The following TERT variants were observed in gnomAD, a reference collection of about 807,000 sequenced individuals.
TERT encodes the protein telomerase catalytic subunit.
A neutral mutation model predicts 104.0 loss-of-function variants in TERT; 42 were observed. That is an observed-to-expected ratio of 0.40 (90% CI 0.32 to 0.52). The LOEUF is 0.52. TERT is among the 20% of genes least tolerant of loss of function. The probability of loss-of-function intolerance (pLI) is 0.43; values close to 1 mark genes in which losing one functional copy is unlikely to be tolerated. For synonymous variants in TERT, 781 were observed against 725.6 expected (o/e 1.08, Z -1.23); for missense variants, 1,101 against 1,610.3 (o/e 0.68, Z 5.41).
intron 7 of TERT, 21 bp from the exon 8 acceptor site, chr5:1,271,225 C>T: frequency 1.3e-6 from 2 of 1,591,534 alleles, no homozygotes; most frequent in Non-Finnish European, 1.7e-6. Context: ...AGACGGGAGA[C>T]ACATGGGAGT....
intron 4 of TERT, among the ~76,000 whole-genome samples, 172 bp from the exon 5 acceptor site, chr5:1,279,642 C>T (rs1749878521): frequency 6.6e-6 from 1 of 152,160 alleles, no homozygotes; most frequent in African/African-American, 2.4e-5. Context: ...GGTTCCTGGC[C>T]GCATGTGTGT....
rs1167752356 is a variant in TERT at position 1,257,800 on chromosome 5, G to A, written c.3032+798C>T. Among the ~76,000 whole-genome samples, 1 of 152,224 alleles carries A rather than the reference G, an allele frequency of 6.6e-6. No homozygotes were observed. Among genetic ancestry groups the A allele is most frequent in the Non-Finnish European group, 1.5e-5 (1 of 68,046 alleles). ...GTGCACGGTAATTCGCGCAGCCTCGGCCCTGGGTAACACAAATGCTCACAC... is the reference window on the plus strand; with the variant it reads ...GTGCACGGTAATTCGCGCAGCCTCGACCCTGGGTAACACAAATGCTCACAC... On this transcript the variant is annotated intron_variant, in intron 13 of 15. Coordinates refer to ENST00000310581, the MANE Select transcript of TERT (RefSeq NM_198253.3). The surrounding 1 kb of genome is among the most constrained non-coding windows in gnomAD (Gnocchi z 5.6).
chr5:1,283,599 C>G (rs1379547796), intron 2 of TERT, among the ~76,000 whole-genome samples: 1 of 149,542 alleles, frequency 6.7e-6, no homozygotes, highest in African/African-American at 2.5e-5. Context: ...CTACCTCACC[C>G]CGGACCTGCA....
Position 1,258,608 on chromosome 5 carries a change from G to A in TERT, c.3022C>T (p.Gln1008Ter). 6.4e-7 allele frequency: 1 copy of A among 1,569,372 alleles called. No individual in the cohort carries two copies. The highest frequency in any genetic ancestry group is 8.6e-7 in the Non-Finnish European group (1 of 1,156,432). Residue 1008 changes from glutamine to a stop codon, truncating the protein, a stop_gained, in exon 13 of 16, where the codon CAG (glutamine) becomes TAG (stop). Transcript: ENST00000310581. LOFTEE classifies it high-confidence loss of function. The stretch of plus-strand genomic sequence containing the variant: ...TTGGTGGCGGCTCACCTGTACGCCT[G>A]CAGCAGGAGGATCTTGTAGATGTTG... ...CTNIYKILLL[Q>*]AYRFHACVLQ...
At chr5:1,283,237 G>A (rs1750179211) in intron 2 of TERT, among the ~76,000 whole-genome samples, 2 of 127,364 alleles carry the variant, frequency 1.6e-5, no homozygotes, top group African/African-American at 6.1e-5. Flanking sequence ...CCTCACCCCG[G>A]ACCTGCACCA....
At position 1,294,662 on chromosome 5, in the gene TERT, G is replaced by A. The variant is rs1751272755; in HGVS notation, c.224C>T (p.Ser75Phe). 1 of 1,594,716 alleles carries A rather than the reference G, an allele frequency of 6.3e-7. No individual in the cohort carries two copies. The highest frequency in any genetic ancestry group is 8.5e-7 in the Non-Finnish European group (1 of 1,178,462). ...TCGGGCCACCAGCTCCTTCAGGCAG[G>A]ACACCTGCGGGGGAAGCGCCCTGAG... ...PPAAPSFRQV[S>F]CLKELVARVL... The change falls in exon 2 of 16, where the codon TCC becomes TTC. Residue 75 changes from serine (S) to phenylalanine (F), a missense_variant. Ser to Phe is a radical substitution (Grantham distance 155, BLOSUM62 -2). This residue lies in a region of TERT where 87 missense variants were observed against 145.4 expected (regional missense o/e 0.60). Transcript: ENST00000310581.
chr5:1,272,169 A>G lies in TERT; in HGVS notation c.2382+16T>C. On this transcript the variant is annotated intron_variant, in intron 7 of 15. Coordinates refer to ENST00000310581, the MANE Select transcript of TERT (RefSeq NM_198253.3). ...GCTGGGAGTCCGTGCCCAACCCTGC[A>G]GGGCAGTGCCCAGACCTGCTCGATG... 6.3e-7 allele frequency: 1 copy of G among 1,598,178 alleles called. No individual in the cohort carries two copies. Among genetic ancestry groups the G allele is most frequent in the Non-Finnish European group, 8.5e-7 (1 of 1,172,090 alleles).
chr5:1,271,313 A>G, intron 7 of TERT, 109 bp from the exon 8 acceptor site: 1 of 797,242 alleles, frequency 1.3e-6, no homozygotes. Flanking sequence ...TTTGTGATGA[A>G]GTGCGGGGCT....
chr5:1,288,042 G>A lies in TERT; in HGVS notation c.1573+5271C>T, dbSNP rs1461551055. On this transcript the variant is annotated intron_variant, in intron 2 of 15. Transcript: ENST00000310581. This position sits in a 1 kb window ranked among gnomAD's most constrained non-coding sequence, Gnocchi z 5.3. ...CGTATCTTGATACTCTACATATCTT[G>A]AACATAAACAGTGTTCAAATAACTC... Among the ~76,000 whole-genome samples the A allele has an allele frequency of 5.3e-5, 8 of 152,014 alleles. No homozygotes were observed.
chr5:1,277,427 G>A (rs527736074), intron 6 of TERT, among the ~76,000 whole-genome samples: 93 of 152,316 alleles, frequency 6.1e-4, no homozygotes, highest in African/African-American at 2.0e-3. Context: ...GTTCCACAAC[G>A]GATGCCATTC....
In TERT at chr5:1,263,312, C is replaced by A. The variant is rs1318826897; in HGVS notation, c.2843+1092G>T. On this transcript the variant is annotated intron_variant, in intron 11 of 15. Transcript: ENST00000310581. This position sits in a 1 kb window ranked among gnomAD's most constrained non-coding sequence, Gnocchi z 5.3. ...AAGGTGTGCCTTTCAGAGGAAGGCACCCCCAGTTCCGGCCTCTAGCACAGC... is the reference window on the plus strand; with the variant it reads ...AAGGTGTGCCTTTCAGAGGAAGGCAACCCCAGTTCCGGCCTCTAGCACAGC... 6.6e-6 allele frequency among the ~76,000 whole-genome samples: 1 copy of A among 152,148 alleles called. No individual in the cohort carries two copies. The highest frequency in any genetic ancestry group is 1.5e-5 in the Non-Finnish European group (1 of 68,036).
At chr5:1,259,431 C>A (rs1292600429) in intron 12 of TERT, among the ~76,000 whole-genome samples, 14 of 118,524 alleles carry the variant, frequency 1.2e-4, no homozygotes, top group South Asian at 3.0e-4. Flanking sequence ...GACACGGACG[C>A]CCACAGGAGA....
rs1156761228 is a variant in TERT at position 1,268,510 on chromosome 5, G to A, written c.2582+10C>T. The A allele has an allele frequency of 1.9e-6, 3 of 1,609,996 alleles. No homozygotes were observed. Among genetic ancestry groups the A allele is most frequent in the Non-Finnish European group, 2.5e-6 (3 of 1,177,640 alleles). On this transcript the variant is annotated intron_variant, in intron 9 of 15. Transcript: ENST00000310581. The surrounding 1 kb of genome is among the most constrained non-coding windows in gnomAD (Gnocchi z 5.5). ...CCACCCAAGCCCCCCTGGGGAAGAG[G>A]AGGCCTCACCCGTCCCGCCGAATCC...
At position 1,294,237 on chromosome 5, in the gene TERT, G is replaced by T. The variant is rs1318567987; in HGVS notation, c.649C>A (p.Pro217Thr). The T allele has an allele frequency of 6.3e-7, 1 of 1,588,598 alleles. No homozygotes were observed. The change falls in exon 2 of 16, where the codon CCA (proline) becomes ACA (threonine). Residue 217 changes from proline (P) to threonine (T), a missense_variant. By Grantham distance (38) the Pro-to-Thr change is conservative. Around this residue, in one of 5 missense-constraint regions of TERT, gnomAD observed 504 missense variants for 544.6 expected, o/e 0.93. Transcript: ENST00000310581. Reference sequence around the variant, plus strand: ...CCGCGCCTCCTCGCACCCGGGGCTGGCAGGCCCAGGGGGACCCCGGCCTCC... The same window carrying T: ...CCGCGCCTCCTCGCACCCGGGGCTGTCAGGCCCAGGGGGACCCCGGCCTCC... ...VREAGVPLGL[P>T]APGARRRGGS...
chr5:1,282,407 G>A, intron 3 of TERT, 22 bp downstream of exon 3: 1 of 1,612,210 alleles, frequency 6.2e-7, no homozygotes, highest in East Asian at 2.2e-5. Context: ...AGAAGCAGAG[G>A]CCTGGCGTGG....
At chr5:1,273,539 C>T (rs373822037) in intron 6 of TERT, among the ~76,000 whole-genome samples, 8 of 4,048 alleles carry the variant, frequency 2.0e-3, no homozygotes, top group Non-Finnish European at 2.7e-3. Context: ...ACCCCACGAC[C>T]GCCATCCACA....
Position 1,268,783 on chromosome 5 carries a change from GA to G in TERT, c.2469-151del. The G allele has an allele frequency of 1.6e-6, 1 of 619,632 alleles. No individual in the cohort carries two copies. Among genetic ancestry groups the G allele is most frequent in the Non-Finnish European group, 2.9e-6 (1 of 340,188 alleles). 38.4% of individuals were successfully genotyped at this position (619,632 alleles called of 1,614,324 possible). A position where few individuals can be genotyped will look rare whatever the true frequency, so the allele number is the denominator to read the frequency against. The stretch of plus-strand genomic sequence containing the variant: ...CAAACACCTCAGAAACATACCAGAT[GA>G]GACCTCTGAACAAACAATCCCTGCT... On this transcript the variant is annotated intron_variant, in intron 8 of 15. Transcript: ENST00000310581. The surrounding 1 kb of genome is among the most constrained non-coding windows in gnomAD (Gnocchi z 5.5).
In TERT at chr5:1,294,394, G is replaced by A. The variant is rs751568040; in HGVS notation, c.492C>T (p.Pro164=). The A allele has an allele frequency of 6.2e-5, 98 of 1,583,410 alleles. No homozygotes were observed. The highest frequency in any genetic ancestry group is 7.5e-5 in the Non-Finnish European group (88 of 1,172,958). Residue 164 remains proline, a synonymous_variant, in exon 2 of 16, where the codon CCC becomes CCT. Coordinates refer to ENST00000310581, the MANE Select transcript of TERT (RefSeq NM_198253.3). The part of the protein sequence containing the change: ...ARCALFVLVA[P]SCAYQVCGPP... Reference sequence around the variant, plus strand: ...GCCCGCACACCTGGTAGGCGCAGCTGGGAGCCACCAGCACAAAGAGCGCGC... The same window carrying A: ...GCCCGCACACCTGGTAGGCGCAGCTAGGAGCCACCAGCACAAAGAGCGCGC...
Position 1,269,217 on chromosome 5 carries a change from G to A in TERT, c.2469-584C>T, listed in dbSNP as rs1369337438. ...CACGCGACCCTCAGCCATCCCCAGA[G>A]CCCACAGGACGCCACTCCTGTTGCT... On this transcript the variant is annotated intron_variant, in intron 8 of 15. Coordinates refer to ENST00000310581, the MANE Select transcript of TERT (RefSeq NM_198253.3). The surrounding 1 kb of genome is among the most constrained non-coding windows in gnomAD (Gnocchi z 9.0). Among the ~76,000 whole-genome samples, 1 of 152,132 alleles carries A rather than the reference G, an allele frequency of 6.6e-6. No homozygotes were observed. The highest frequency in any genetic ancestry group is 1.5e-5 in the Non-Finnish European group (1 of 68,038).
Sources: gnomAD v4.1 joint callset for allele counts (sites outside exome capture counted in the v4.1 genomes callset) on GRCh38, gnomAD v4.1.1 for gene constraint, gnomAD v4.1.1 regional missense constraint, Gnocchi (gnomAD v3.1) non-coding constraint, MANE v1.5 for transcripts, NCBI Gene and HGNC (gene_info 2026-07-23, HGNC 2026-07-21) for gene names.